Variants in MPHOSPH9 observed in about 807,000 individuals in gnomAD.
The protein encoded by MPHOSPH9 is M-phase phosphoprotein 9.
A neutral mutation model predicts 145.5 loss-of-function variants in MPHOSPH9; 88 were observed. The observed-to-expected ratio is 0.60, with a 90% CI of 0.51 to 0.72. The LOEUF (loss-of-function observed/expected upper bound fraction) is 0.72, where lower values mean the gene tolerates loss of function less well. Ranked by LOEUF, MPHOSPH9 falls within the 30% of genes least tolerant of loss-of-function variation. MPHOSPH9 has a pLI of 0.00. For missense variants in MPHOSPH9, 1,238 were observed against 1,386.6 expected, an observed-to-expected ratio of 0.89 and a Z score of 1.70; for synonymous variants, 435 against 486.2, an observed-to-expected ratio of 0.89 and a Z score of 1.39.
intron 3 of MPHOSPH9, among the ~76,000 whole-genome samples, chr12:123,226,893 G>C (rs1418914297): frequency 6.6e-6 from 1 of 152,096 alleles, no homozygotes; most frequent in African/African-American, 2.4e-5. Flanking sequence ...CACCTTGGCC[G>C]CCTAAAGTGC....
intron 8 of MPHOSPH9, among the ~76,000 whole-genome samples, chr12:123,204,419 T>G (rs1420943289): frequency 1.3e-5 from 2 of 152,142 alleles, no homozygotes; most frequent in South Asian, 2.1e-4. Context: ...TGGAGTTCCT[T>G]ATCTATGTAG....
chr12:123,187,837 AAT>A (rs1159520695), intron 13 of MPHOSPH9, among the ~76,000 whole-genome samples: 1 of 152,218 alleles, frequency 6.6e-6, no homozygotes, highest in East Asian at 1.9e-4. Context: ...CGTAAGAGGT[AAT>A]TCTGGGCTGG....
At position 123,203,019 on chromosome 12, in the gene MPHOSPH9, G is replaced by A. The variant is rs767684966; in HGVS notation, c.1386C>T (p.His462=). ...TGTCATCAAGGGCATTCGGAAGGCC[G>A]TGAGGTTGAATCCCTGAAATCTGCT... ...PKQQISGIQP[H]GLPNALDDRI... is the part of the protein sequence containing the mutation. Residue 462 remains histidine, a synonymous_variant, in exon 10 of 24, where the codon CAC becomes CAT. Transcript: ENST00000606320. The A allele has an allele frequency of 5.6e-6, 9 of 1,614,216 alleles. No homozygotes were observed. Among genetic ancestry groups the A allele is most frequent in the East Asian group, 2.2e-5 (1 of 44,894 alleles).
intron 6 of MPHOSPH9, among the ~76,000 whole-genome samples, chr12:123,216,112 G>A (rs894310988): frequency 7.2e-5 from 11 of 152,214 alleles, no homozygotes; most frequent in Non-Finnish European, 1.3e-4. Flanking sequence ...TGGTGGGGGT[G>A]TATTGAATGG....
chr12:123,222,875 G>A (rs1365837002), intron 4 of MPHOSPH9, among the ~76,000 whole-genome samples, 163 bp downstream of exon 4: 1 of 152,082 alleles, frequency 6.6e-6, no homozygotes, highest in African/African-American at 2.4e-5. Context: ...GGCAGAGGTT[G>A]TAGTGAGCTG....
intron 6 of MPHOSPH9, among the ~76,000 whole-genome samples, chr12:123,215,232 ACT>A (rs1474556539): frequency 1.3e-5 from 2 of 151,702 alleles, no homozygotes; most frequent in Non-Finnish European, 2.9e-5. Context: ...ACAGAGCAAG[ACT>A]CTGTCTCAAA....
At chr12:123,238,031 G>T (rs542092528), upstream of MPHOSPH9, among the ~76,000 whole-genome samples, 16 of 152,080 alleles carry the variant, frequency 1.1e-4, no homozygotes, top group Middle Eastern at 0.01. Context: ...GAGTAGCCGG[G>T]ACTACAGGTG....
At chr12:123,236,901 C>G (rs560072046), upstream of MPHOSPH9, among the ~76,000 whole-genome samples, 29 of 151,932 alleles carry the variant, frequency 1.9e-4, no homozygotes, top group East Asian at 5.4e-3. Context: ...CTGAGAAACA[C>G]GGTGAATCCC....
intron 2 of MPHOSPH9, 71 bp downstream of exon 2, chr12:123,230,190 G>C: frequency 1.3e-6 from 1 of 794,502 alleles, no homozygotes; most frequent in Non-Finnish European, 2.0e-6. Flanking sequence ...GACACTATTT[G>C]GATAAGTTGA....
At chr12:123,240,608 C>T (rs1300961613) in intron 1 of MPHOSPH9, 9 of 149,460 alleles carry the variant, frequency 6.0e-5, no homozygotes, top group Non-Finnish European at 1.3e-4. Flanking sequence ...TAGTGCTTTA[C>T]CTTTCAAAAA....
intron 5 of MPHOSPH9, among the ~76,000 whole-genome samples, chr12:123,218,954 C>T (rs2851450): frequency 0.64 from 97,404 of 151,674 alleles, 35,742 homozygotes; most frequent in East Asian, 1. Flanking sequence ...TAGAATGCAG[C>T]GGCAGTGGTG....
chr12:123,154,361 T>C lies in MPHOSPH9; in HGVS notation c.*2446A>G, dbSNP rs1356149953. On this transcript the variant is annotated 3_prime_UTR_variant, in exon 24 of 24. Coordinates refer to ENST00000606320, the MANE Select transcript of MPHOSPH9 (RefSeq NM_022782.4). ...TAGGTGGAGTGTTTTTTCAGTTGAG[T>C]GTTCATAAGATAAGCATTACCGAAG... 6.6e-6 allele frequency: 1 copy of C among 152,024 alleles called. No individual in the cohort carries two copies. The highest frequency in any genetic ancestry group is 2.4e-5 in the African/African-American group (1 of 41,398). 9.4% of individuals were successfully genotyped at this position (152,024 alleles called of 1,614,324 possible).
At chr12:123,218,791 C>T (rs1406943402) in intron 5 of MPHOSPH9, among the ~76,000 whole-genome samples, 1 of 152,130 alleles carries the variant, frequency 6.6e-6, no homozygotes, top group African/African-American at 2.4e-5. Flanking sequence ...GCTGGGATTA[C>T]AGGCATGAGC....
At chr12:123,222,466 C>G (rs564365331) in intron 4 of MPHOSPH9, among the ~76,000 whole-genome samples, 202 of 152,172 alleles carry the variant, frequency 1.3e-3, no homozygotes, top group Non-Finnish European at 2.0e-3. Flanking sequence ...GAGTCCCAGA[C>G]CAGCCTGGCC....
At chr12:123,166,849 T>C in intron 16 of MPHOSPH9, 60 bp from the exon 17 acceptor site, 1 of 1,548,868 alleles carries the variant, frequency 6.5e-7, no homozygotes. Flanking sequence ...AGACTGCATG[T>C]GCATATAAAA....
intron 3 of MPHOSPH9, among the ~76,000 whole-genome samples, chr12:123,224,603 A>G (rs2047362493): frequency 6.6e-6 from 1 of 152,148 alleles, no homozygotes; most frequent in South Asian, 2.1e-4. Flanking sequence ...AAGGAACTCC[A>G]TGTTGGAAAT....
downstream of MPHOSPH9, chr12:123,153,330 G>C (rs1031553893): frequency 6.6e-6 from 1 of 152,200 alleles, no homozygotes; most frequent in Non-Finnish European, 1.5e-5. Context: ...ACACACCAGA[G>C]GGATGCTTAA....
intron 5 of MPHOSPH9, among the ~76,000 whole-genome samples, chr12:123,219,955 G>A (rs2047127846): frequency 1.3e-5 from 2 of 152,118 alleles, no homozygotes; most frequent in African/African-American, 2.4e-5. Flanking sequence ...GGCCAAGGTG[G>A]GCATATGTTG....
chr12:123,217,624 T>C, intron 6 of MPHOSPH9, among the ~76,000 whole-genome samples: 3 of 152,330 alleles, frequency 2.0e-5, no homozygotes, highest in South Asian at 2.1e-4. Context: ...CAAAGAGAAA[T>C]AGGACCTCTG....
Sources: gnomAD v4.1 joint callset for allele counts (sites outside exome capture counted in the v4.1 genomes callset) on GRCh38, gnomAD v4.1.1 for gene constraint, MANE v1.5 for transcripts, NCBI Gene and HGNC (gene_info 2026-07-23, HGNC 2026-07-21) for gene names.